The following ANO10 variants were observed in gnomAD, a reference collection of about 807,000 sequenced individuals.
ANO10 encodes the protein anoctamin-10.
In ANO10, 77 loss-of-function variants were observed where a neutral mutation model predicts 74.7. The observed-to-expected ratio is 1.03, with a 90% CI of 0.86 to 1.25. ANO10 has a LOEUF of 1.25. ANO10 is among the 50% of genes most tolerant of loss of function. ANO10 has a pLI of 0.00. For synonymous variants in ANO10, 279 were observed against 284.9 expected, an observed-to-expected ratio of 0.98 and a Z score of 0.21; for missense variants, 721 against 778.1, an observed-to-expected ratio of 0.93 and a Z score of 0.87.
At chr3:43,389,900 C>T (rs552085570) in intron 12 of ANO10, among the ~76,000 whole-genome samples, 16 of 152,214 alleles carry the variant, frequency 1.1e-4, no homozygotes, top group African/African-American at 3.1e-4. Context: ...ACGTACTAGA[C>T]GGAAATGGAA....
intron 11 of ANO10, among the ~76,000 whole-genome samples, chr3:43,478,597 T>C (rs375673969): frequency 1.3e-5 from 2 of 152,222 alleles, no homozygotes; most frequent in African/African-American, 4.8e-5. Context: ...TGATGGTTTA[T>C]GCTTGTGCTA....
intron 11 of ANO10, among the ~76,000 whole-genome samples, chr3:43,480,615 G>A (rs1475697583): frequency 3.9e-5 from 6 of 152,188 alleles, no homozygotes; most frequent in Non-Finnish European, 7.3e-5. Context: ...CAAGATAAAG[G>A]AGGGGGTTAC....
intron 12 of ANO10, among the ~76,000 whole-genome samples, chr3:43,368,899 C>T (rs758446571): frequency 5.9e-5 from 9 of 152,182 alleles, no homozygotes; most frequent in Non-Finnish European, 8.8e-5. Context: ...CAGCTTGTCA[C>T]GGAATCTTGC....
chr3:43,406,974 G>C (rs1422751869), intron 12 of ANO10, among the ~76,000 whole-genome samples: 1 of 151,748 alleles, frequency 6.6e-6, no homozygotes, highest in African/African-American at 2.4e-5. Context: ...CATGATCTTG[G>C]CTCACTGCAA....
Position 43,379,603 on chromosome 3 carries a change from T to C in ANO10, c.1915-12629A>G, listed in dbSNP as rs550361702. On this transcript the variant is annotated intron_variant, in intron 12 of 12. Transcript: ENST00000292246. ...TGCTTGCTTTCTCAGCTGGGAGGCA[T>C]GTAGCCTAGAGAAAGTTCTCAGCCC... Among the ~76,000 whole-genome samples the C allele has an allele frequency of 3.9e-5, 6 of 152,258 alleles. No individual in the cohort carries two copies. The South Asian group carries it at 1.2e-3, about 32-fold the overall frequency.
At chr3:43,475,371 A>G (rs1464317266) in intron 11 of ANO10, among the ~76,000 whole-genome samples, 44 of 152,174 alleles carry the variant, frequency 2.9e-4, no homozygotes, top group Non-Finnish European at 4.4e-5. Context: ...AAGATCAGAT[A>G]AATATTCACC....
chr3:43,633,986 C>T (rs1394626205), intron 1 of ANO10, among the ~76,000 whole-genome samples: 22 of 117,190 alleles, frequency 1.9e-4, no homozygotes, highest in African/African-American at 6.4e-4. Context: ...TCTTTCTTAT[C>T]ATGGACAGCA....
At chr3:43,391,354 A>G (rs1009296737) in intron 12 of ANO10, among the ~76,000 whole-genome samples, 1 of 152,254 alleles carries the variant, frequency 6.6e-6, no homozygotes, top group African/African-American at 2.4e-5. Context: ...AAAAAAACAT[A>G]TAAGGATGAA....
chr3:43,633,709 A>C (rs765651269), intron 1 of ANO10, among the ~76,000 whole-genome samples: 5 of 152,194 alleles, frequency 3.3e-5, no homozygotes, highest in Non-Finnish European at 5.9e-5. Flanking sequence ...AGCCTGTCAC[A>C]GTTTCATGGT....
chr3:43,553,537 C>CTTTTT lies in ANO10; in HGVS notation c.1668+1740_1668+1741insAAAAA, dbSNP rs1259828062. 3.8e-3 allele frequency among the ~76,000 whole-genome samples: 389 copies of CTTTTT among 102,654 alleles called. 5 individuals carry two copies. The highest frequency in any genetic ancestry group is 0.015 in the African/African-American group (359 of 24,268). The allele number at this position is 102,654 out of a possible 152,430, so 67.3% of individuals were successfully genotyped here. On this transcript the variant is annotated intron_variant, in intron 10 of 12. Transcript: ENST00000292246. ...CTGTTGTTCAGACTGGATAATTTCT[C>CTTTTT]TCTTTTTTTTTTTTTTTGAGATGGA... is the stretch of plus-strand genomic sequence containing the variant.
chr3:43,566,073 C>T (rs549131517), intron 7 of ANO10, among the ~76,000 whole-genome samples: 6 of 152,210 alleles, frequency 3.9e-5, no homozygotes, highest in Admixed American at 6.5e-5. Flanking sequence ...AAAGGGGTGA[C>T]GGACGGCACC....
chr3:43,478,628 G>A (rs888226046), intron 11 of ANO10, among the ~76,000 whole-genome samples: 7 of 152,158 alleles, frequency 4.6e-5, no homozygotes, highest in Non-Finnish European at 8.8e-5. Context: ...TCCTCCTAGT[G>A]GGGAGAAGTC....
At chr3:43,586,636 G>T (rs1044437420) in intron 4 of ANO10, among the ~76,000 whole-genome samples, 4 of 152,070 alleles carry the variant, frequency 2.6e-5, no homozygotes, top group Admixed American at 6.5e-5. Context: ...AATACTACAA[G>T]AAAAAATATA....
At chr3:43,394,041 A>G (rs940098768) in intron 12 of ANO10, among the ~76,000 whole-genome samples, 5 of 152,026 alleles carry the variant, frequency 3.3e-5, no homozygotes, top group Non-Finnish European at 7.4e-5. Flanking sequence ...GGGTATCATA[A>G]CTTTTTTTTT....
At chr3:43,478,377 AC>A (rs1424227216) in intron 11 of ANO10, among the ~76,000 whole-genome samples, 2 of 152,150 alleles carry the variant, frequency 1.3e-5, no homozygotes, top group Non-Finnish European at 2.9e-5. Context: ...ATCCTAACAA[AC>A]CCTTTAAAGT....
intron 11 of ANO10, among the ~76,000 whole-genome samples, chr3:43,506,006 CGAT>C (rs2077281103): frequency 6.6e-6 from 1 of 151,902 alleles, no homozygotes. Context: ...CCCCAAATTC[CGAT>C]GATGAATAAA....
chr3:43,545,398 G>A (rs751450791), intron 11 of ANO10, among the ~76,000 whole-genome samples: 2 of 151,808 alleles, frequency 1.3e-5, no homozygotes, highest in Non-Finnish European at 2.9e-5. Flanking sequence ...TTTTTAGACA[G>A]AGTCTCTCTC....
intron 1 of ANO10, among the ~76,000 whole-genome samples, chr3:43,635,765 G>A (rs963297530): frequency 7.0e-4 from 107 of 151,864 alleles, no homozygotes; most frequent in African/African-American, 2.4e-3. Context: ...GACTACAGAC[G>A]CGCACCCACC....
At chr3:43,652,089 A>G (rs896642038) in intron 1 of ANO10, among the ~76,000 whole-genome samples, 5 of 151,432 alleles carry the variant, frequency 3.3e-5, no homozygotes, top group African/African-American at 9.7e-5. Flanking sequence ...CAACAGATTC[A>G]ATGCAATCTA....
Sources: gnomAD v4.1 joint callset for allele counts (sites outside exome capture counted in the v4.1 genomes callset) on GRCh38, gnomAD v4.1.1 for gene constraint, MANE v1.5 for transcripts, NCBI Gene and HGNC (gene_info 2026-07-23, HGNC 2026-07-21) for gene names.